TPD52: variants seen among roughly 807,000 people sequenced by gnomAD.
The protein encoded by TPD52 is prostate and colon associated protein.
A neutral mutation model predicts 31.3 loss-of-function variants in TPD52; 17 were observed. The ratio of observed to expected loss-of-function variants is 0.54; its 90% CI spans 0.37 to 0.82. The LOEUF is 0.82. Among genes scored for constraint, TPD52 ranks in the 40% least tolerant of loss-of-function variants. The probability of loss-of-function intolerance (pLI) is 0.00; values close to 1 mark genes in which losing one functional copy is unlikely to be tolerated. For missense variants in TPD52, 212 were observed against 240.1 expected (o/e 0.88, Z 0.77); for synonymous variants, 83 against 89.6 (o/e 0.93, Z 0.42).
At chr8:80,155,124 A>G (rs769499395) in intron 1 of TPD52, among the ~76,000 whole-genome samples, 1 of 151,794 alleles carries the variant, frequency 6.6e-6, no homozygotes, top group African/African-American at 2.4e-5. Flanking sequence ...CAGCCTCCCA[A>G]GTAGCTAGGA....
intron 1 of TPD52, among the ~76,000 whole-genome samples, chr8:80,114,344 C>T (rs1807713037): frequency 6.6e-6 from 1 of 152,126 alleles, no homozygotes; most frequent in African/African-American, 2.4e-5. Context: ...AATATATTAC[C>T]TAGCATACTA....
At chr8:80,152,860 G>C (rs928752974) in intron 1 of TPD52, among the ~76,000 whole-genome samples, 8 of 150,876 alleles carry the variant, frequency 5.3e-5, no homozygotes, top group African/African-American at 2.0e-4. Context: ...GCCTGCCAAA[G>C]ACAGCCTATG....
intron 1 of TPD52, among the ~76,000 whole-genome samples, chr8:80,112,652 C>A (rs7011441): frequency 2.6e-5 from 4 of 151,748 alleles, no homozygotes; most frequent in Admixed American, 2.6e-4. Context: ...AAAATATAAA[C>A]CAAGTGGAAA....
At position 80,160,822 on chromosome 8, in the gene TPD52, T is replaced by C. The variant is rs181751736; in HGVS notation, c.19+10603A>G. ...ACTTTGGGAGGCCAAGGAGGGTGGA[T>C]TGCCTGAGCTCAGGAGTTCGAGACC... On this transcript the variant is annotated intron_variant, in intron 1 of 7. Coordinates refer to ENST00000518937, the MANE Select transcript of TPD52 (RefSeq NM_001025253.3). Among the ~76,000 whole-genome samples the C allele has an allele frequency of 2.7e-5, 4 of 147,904 alleles. No individual in the cohort carries two copies. The East Asian group carries it at 6.0e-4, about 22-fold the overall frequency.
intron 1 of TPD52, chr8:80,119,808 T>C (rs1808126931): frequency 2.6e-6 from 1 of 388,338 alleles, no homozygotes; most frequent in African/African-American, 2.2e-5. Flanking sequence ...TGTATGAAAA[T>C]ACTTACATTT....
intron 1 of TPD52, among the ~76,000 whole-genome samples, chr8:80,101,323 C>T (rs745345341): frequency 6.6e-6 from 1 of 151,940 alleles, no homozygotes; most frequent in African/African-American, 2.4e-5. Flanking sequence ...TGGCACATGC[C>T]TATAATCCCA....
intron 1 of TPD52, among the ~76,000 whole-genome samples, chr8:80,131,094 T>A (rs1330528124): frequency 1.3e-5 from 2 of 152,070 alleles, no homozygotes; most frequent in Non-Finnish European, 2.9e-5. Flanking sequence ...CTGAATGGTA[T>A]TTAAAGCTTT....
chr8:80,045,265 A>T (rs1369814238), intron 5 of TPD52, among the ~76,000 whole-genome samples: 2 of 152,158 alleles, frequency 1.3e-5, no homozygotes, highest in Non-Finnish European at 2.9e-5. Flanking sequence ...CAATCTCTAA[A>T]TTTACAACAC....
At position 80,035,701 on chromosome 8, in the gene TPD52, GCCCTATTT is replaced by G. The variant is rs1412261533; in HGVS notation, c.*2407_*2414del. ...GGCTCTCATAAGCATAAGAATTCTT[GCCCTATTT>G]CCCACAAACTCCATAAATTGACATT... On this transcript the variant is annotated 3_prime_UTR_variant, in exon 8 of 8. Transcript: ENST00000518937. 1 of 152,102 alleles carries G rather than the reference GCCCTATTT, an allele frequency of 6.6e-6. No individual in the cohort carries two copies. Among genetic ancestry groups the G allele is most frequent in the Non-Finnish European group, 1.5e-5 (1 of 68,008 alleles). 9.4% of individuals were successfully genotyped at this position (152,102 alleles called of 1,614,324 possible).
intron 1 of TPD52, among the ~76,000 whole-genome samples, chr8:80,128,218 T>C (rs77290663): frequency 0.056 from 8,458 of 152,174 alleles, 308 homozygotes; most frequent in African/African-American, 0.096. Flanking sequence ...TATTTTTGTA[T>C]ATTTTTATTC....
chr8:80,069,964 G>C (rs568532033), intron 1 of TPD52, among the ~76,000 whole-genome samples: 1 of 152,242 alleles, frequency 6.6e-6, no homozygotes, highest in South Asian at 2.1e-4. Flanking sequence ...CTCCATCTCA[G>C]AACTCACAGT....
At chr8:80,067,659 A>G (rs561569916) in intron 1 of TPD52, among the ~76,000 whole-genome samples, 1 of 152,242 alleles carries the variant, frequency 6.6e-6, no homozygotes, top group East Asian at 1.9e-4. Context: ...TTTTAAACCT[A>G]GACGGTCTGA....
chr8:80,066,406 A>G (rs1182447561), intron 1 of TPD52, among the ~76,000 whole-genome samples: 1 of 152,230 alleles, frequency 6.6e-6, no homozygotes, highest in African/African-American at 2.4e-5. Flanking sequence ...CACAAATCGG[A>G]CTGGCAAAAA....
chr8:80,045,250 G>A (rs1343309353), intron 5 of TPD52, among the ~76,000 whole-genome samples: 1 of 151,618 alleles, frequency 6.6e-6, no homozygotes, highest in African/African-American at 2.4e-5. Flanking sequence ...AAAGTGTGCT[G>A]GTCCCAATCT....
intron 1 of TPD52, among the ~76,000 whole-genome samples, chr8:80,154,993 G>T (rs1376630266): frequency 1.1e-4 from 15 of 135,896 alleles, no homozygotes; most frequent in East Asian, 9.8e-4. Flanking sequence ...TTGTGTTTTT[G>T]GTTTTTTGTT....
chr8:80,032,556 T>C (rs979628713), downstream of TPD52, among the ~76,000 whole-genome samples: 6 of 152,196 alleles, frequency 3.9e-5, no homozygotes, highest in African/African-American at 1.4e-4. Context: ...CCAAGGAAAG[T>C]GAACAGAAAA....
At position 80,040,459 on chromosome 8, in the gene TPD52, G is replaced by T. The variant is rs138504274; in HGVS notation, c.504+2161C>A. On this transcript the variant is annotated intron_variant, in intron 7 of 7. Coordinates refer to ENST00000518937, the MANE Select transcript of TPD52 (RefSeq NM_001025253.3). ...CCTGCCTTGGCCTCACAAAGTGCTG[G>T]AATTACAGGTGTAAGCCACTGCGCC... Among the ~76,000 whole-genome samples the T allele has an allele frequency of 5.6e-3, 855 of 152,136 alleles. 9 individuals are homozygous for T. The highest frequency in any genetic ancestry group is 0.02 in the African/African-American group (826 of 41,516).
intron 1 of TPD52, among the ~76,000 whole-genome samples, chr8:80,157,350 C>T (rs1436714000): frequency 1.3e-5 from 2 of 152,066 alleles, no homozygotes; most frequent in African/African-American, 4.8e-5. Flanking sequence ...GAGAAATCTG[C>T]CATGCCCTCT....
chr8:80,052,557 GT>G, intron 3 of TPD52: 3 of 1,199,690 alleles, frequency 2.5e-6, no homozygotes, highest in Non-Finnish European at 3.3e-6. Flanking sequence ...GTTAAATGCA[GT>G]TGGCCTCACT....
Sources: gnomAD v4.1 joint callset for allele counts (sites outside exome capture counted in the v4.1 genomes callset) on GRCh38, gnomAD v4.1.1 for gene constraint, MANE v1.5 for transcripts, NCBI Gene and HGNC (gene_info 2026-07-23, HGNC 2026-07-21) for gene names.